PLCG1: variants seen among roughly 807,000 people sequenced by gnomAD.
PLCG1 encodes the protein phospholipase C gamma 1, also known as 1-phosphatidylinositol 4,5-bisphosphate phosphodiesterase gamma-1.
A neutral mutation model predicts 177.8 loss-of-function variants in PLCG1; 71 were observed. That is an observed-to-expected ratio of 0.40 (90% confidence interval 0.33 to 0.49). The LOEUF (loss-of-function observed/expected upper bound fraction) is 0.49. Among genes scored for constraint, PLCG1 ranks in the 20% least tolerant of loss-of-function variants. The pLI is 0.72. For missense variants in PLCG1, 1,281 were observed against 1,709.0 expected (o/e 0.75, Z 4.42); for synonymous variants, 658 against 647.9 (o/e 1.02, Z -0.24).
chr20:41,166,123 T>G lies in PLCG1; in HGVS notation c.1800-71T>G. 5 of 1,356,842 alleles carry G rather than the reference T, an allele frequency of 3.7e-6. No homozygotes were observed. Among genetic ancestry groups the G allele is most frequent in the Non-Finnish European group, 4.2e-6 (4 of 963,418 alleles). The allele number at this position is 1,356,842 out of a possible 1,614,324, so 84.1% of individuals were successfully genotyped here. ...CTCCCTCCTTGAGTTCCACCCTCAT[T>G]TGGGGTGGAACTTGGTCTTTGGGGC... On this transcript the variant is annotated intron_variant, in intron 16 of 31. Coordinates refer to ENST00000685551, the MANE Select transcript of PLCG1 (RefSeq NM_002660.3). This position sits in a 1 kb window ranked among gnomAD's most constrained non-coding sequence, Gnocchi z 8.6.
In PLCG1 at chr20:41,166,724, G is replaced by A. The variant is rs1245535989; in HGVS notation, c.2166G>A (p.Gln722=). The change falls in exon 19 of 32, where the codon CAG becomes CAA. Residue 722 remains glutamine, a synonymous_variant. Transcript: ENST00000685551. This position sits in a 1 kb window ranked among gnomAD's most constrained non-coding sequence, Gnocchi z 8.6. The part of the protein sequence containing the change: ...IKHCRVQQEG[Q]TVMLGNSEFD... ...ATTGCCGTGTCCAGCAAGAGGGCCAGACAGTGATGCTAGGGAACTCGGAGT... is the reference window on the plus strand; with the variant it reads ...ATTGCCGTGTCCAGCAAGAGGGCCAAACAGTGATGCTAGGGAACTCGGAGT... 2 of 1,614,200 alleles carry A rather than the reference G, an allele frequency of 1.2e-6. No homozygotes were observed. The highest frequency in any genetic ancestry group is 2.7e-5 in the African/African-American group (2 of 75,052).
chr20:41,167,916 T>C lies in PLCG1; in HGVS notation c.2366T>C (p.Met789Thr). The change falls in exon 20 of 32, where the codon ATG becomes ACG. Residue 789 changes from methionine (M) to threonine (T), a missense_variant. Met to Thr is a moderately conservative substitution (Grantham distance 81). This residue lies in a region of PLCG1 where 723 missense variants were observed against 1,030.0 expected (regional missense o/e 0.70). Coordinates refer to ENST00000685551, the MANE Select transcript of PLCG1 (RefSeq NM_002660.3). This position sits in a 1 kb window ranked among gnomAD's most constrained non-coding sequence, Gnocchi z 4.4. ...NPGFYVEANPMPTFKCAVKAL... is the reference protein window; with the variant it reads ...NPGFYVEANPTPTFKCAVKAL... ...GGCTTCTATGTAGAGGCAAACCCTA[T>C]GCCAACTTTCAAGGTACAGCTCAGG... The C allele has an allele frequency of 1.9e-6, 3 of 1,612,996 alleles. No homozygotes were observed. The highest frequency in any genetic ancestry group is 1.1e-5 in the South Asian group (1 of 91,034).
rs146548575 is a variant in PLCG1 at position 41,165,749 on chromosome 20, C to G, written c.1722C>G (p.Ile574Met). The change falls in exon 16 of 32, where the codon ATC becomes ATG. Residue 574 changes from isoleucine (I) to methionine (M), a missense_variant. Ile to Met is a conservative substitution (Grantham distance 10, BLOSUM62 1). This residue lies in a region of PLCG1 where 723 missense variants were observed against 1,030.0 expected (regional missense o/e 0.70). Transcript: ENST00000685551. The surrounding 1 kb of genome is among the most constrained non-coding windows in gnomAD (Gnocchi z 6.6). Reference sequence around the variant, plus strand: ...AGCGCCTGCTTACTGAGTACTGCATCGAGACCGGAGCCCCTGACGGCTCCT... The same window carrying G: ...AGCGCCTGCTTACTGAGTACTGCATGGAGACCGGAGCCCCTGACGGCTCCT... Reference protein sequence around the residue: ...IAERLLTEYCIETGAPDGSFL... With the variant: ...IAERLLTEYCMETGAPDGSFL... The G allele has an allele frequency of 1.2e-5, 19 of 1,612,516 alleles. No individual in the cohort carries two copies. In the African/African-American group the frequency reaches 2.0e-4, roughly 17 times the overall value.
Position 41,172,139 on chromosome 20 carries a change from T to C in PLCG1, c.2809-54T>C. 3.5e-6 allele frequency: 5 copies of C among 1,442,614 alleles called. No individual in the cohort carries two copies. Among genetic ancestry groups the C allele is most frequent in the Non-Finnish European group, 4.9e-6 (5 of 1,023,568 alleles). The allele number at this position is 1,442,614 out of a possible 1,614,324, so 89.4% of individuals were successfully genotyped here. A position where few individuals can be genotyped will look rare whatever the true frequency, so the allele number is the denominator to read the frequency against. On this transcript the variant is annotated intron_variant, in intron 24 of 31. Transcript: ENST00000685551. This position sits in a 1 kb window ranked among gnomAD's most constrained non-coding sequence, Gnocchi z 7.0. Reference sequence around the variant, plus strand: ...ATGCCCAAGGTTGGCAGGGGCTTCCTTCTCCTGGGCAGGGCTGTAGCCTGG... The same window carrying C: ...ATGCCCAAGGTTGGCAGGGGCTTCCCTCTCCTGGGCAGGGCTGTAGCCTGG...
At chr20:41,142,597 AG>A (rs1219775139) in intron 1 of PLCG1, among the ~76,000 whole-genome samples, 2 of 152,124 alleles carry the variant, frequency 1.3e-5, no homozygotes, top group Non-Finnish European at 1.5e-5. Context: ...CTGGGTCTTG[AG>A]GGGTGAGACA....
rs2035439719 is a variant in PLCG1, at chr20:41,159,854, G to C, written c.371-16G>C. 7 of 1,613,704 alleles carry C rather than the reference G, an allele frequency of 4.3e-6. No homozygotes were observed. The highest frequency in any genetic ancestry group is 5.9e-6 in the Non-Finnish European group (7 of 1,179,708). The stretch of plus-strand genomic sequence containing the variant: ...GGTATGTGCCCTCGGGGCAGCTATT[G>C]ATACCTTGCTCACAGCCACATCTGA... On this transcript the variant is annotated splice_polypyrimidine_tract_variant and intron_variant, in intron 2 of 31. Transcript: ENST00000685551. This position sits in a 1 kb window ranked among gnomAD's most constrained non-coding sequence, Gnocchi z 6.0.
chr20:41,166,164 C>A lies in PLCG1; in HGVS notation c.1800-30C>A. On this transcript the variant is annotated intron_variant, in intron 16 of 31. Coordinates refer to ENST00000685551, the MANE Select transcript of PLCG1 (RefSeq NM_002660.3). This position sits in a 1 kb window ranked among gnomAD's most constrained non-coding sequence, Gnocchi z 8.6. ...TCTTTGGGGCCCTGGCCTGTTTTCCCCAGCCTCCCTCACTCTGTGTCTTCC... is the reference window on the plus strand; with the variant it reads ...TCTTTGGGGCCCTGGCCTGTTTTCCACAGCCTCCCTCACTCTGTGTCTTCC... 1 of 1,599,034 alleles carries A rather than the reference C, an allele frequency of 6.3e-7. No homozygotes were observed. Among genetic ancestry groups the A allele is most frequent in the South Asian group, 1.1e-5 (1 of 90,890 alleles).
At position 41,173,433 on chromosome 20, in the gene PLCG1, G is replaced by A. The variant is rs1057393821; in HGVS notation, c.3293G>A (p.Arg1098Gln). Residue 1098 changes from arginine (R) to glutamine (Q), a missense_variant, in exon 28 of 32, where the codon CGA becomes CAA. Transcript: ENST00000685551. This position sits in a 1 kb window ranked among gnomAD's most constrained non-coding sequence, Gnocchi z 6.2. The part of the protein sequence containing the change: ...CAISIEVLGA[R>Q]HLPKNGRGIV... Reference sequence around the variant, plus strand: ...GTCTGCCTACAGGTGCTGGGGGCCCGACATCTGCCAAAGAATGGCCGAGGC... The same window carrying A: ...GTCTGCCTACAGGTGCTGGGGGCCCAACATCTGCCAAAGAATGGCCGAGGC... The A allele has an allele frequency of 4.4e-6, 7 of 1,603,760 alleles. No homozygotes were observed. Among genetic ancestry groups the A allele is most frequent in the African/African-American group, 2.7e-5 (2 of 74,802 alleles).
In PLCG1 at chr20:41,143,281, CT is replaced by C. The variant is rs1237921156; in HGVS notation, c.217+5425del. On this transcript the variant is annotated intron_variant, in intron 1 of 31. Transcript: ENST00000685551. ...TCTCCGTTAACTCACAGCATCTCTTCTTACTCTGTGCCTTTTCCTGTGGGAT... is the reference window on the plus strand; with the variant it reads ...TCTCCGTTAACTCACAGCATCTCTTCTACTCTGTGCCTTTTCCTGTGGGAT... Among the ~76,000 whole-genome samples, 5 of 152,354 alleles carry C rather than the reference CT, an allele frequency of 3.3e-5. No homozygotes were observed. The East Asian group carries it at 9.6e-4, about 29-fold the overall frequency.
At chr20:41,143,613 G>C (rs890992138) in intron 1 of PLCG1, among the ~76,000 whole-genome samples, 5 of 152,180 alleles carry the variant, frequency 3.3e-5, no homozygotes, top group African/African-American at 1.2e-4. Flanking sequence ...CACGGGTGAG[G>C]AGTGGCTTCA....
rs966306507 is a variant in PLCG1 at position 41,137,984 on chromosome 20, C to T, written c.217+126C>T. The T allele has an allele frequency of 6.9e-6, 4 of 576,814 alleles. No individual in the cohort carries two copies. Among genetic ancestry groups the T allele is most frequent in the Non-Finnish European group, 7.7e-6 (3 of 388,110 alleles). 35.7% of individuals were successfully genotyped at this position (576,814 alleles called of 1,614,324 possible). A position where few individuals can be genotyped will look rare whatever the true frequency, so the allele number is the denominator to read the frequency against. ...AAACTTTCGGGCCCTCCCAGACTCC[C>T]TCCGGGCCCCGCCCCCGCTTCGTCT... On this transcript the variant is annotated intron_variant, in intron 1 of 31. Transcript: ENST00000685551. This position sits in a 1 kb window ranked among gnomAD's most constrained non-coding sequence, Gnocchi z 7.3.
rs1172196365 is a variant in PLCG1, at chr20:41,151,121, T to C, written c.218-8485T>C. On this transcript the variant is annotated intron_variant, in intron 1 of 31. Transcript: ENST00000685551. The surrounding 1 kb of genome is among the most constrained non-coding windows in gnomAD (Gnocchi z 5.5). ...TGGGACCTCCTTTCCCTTCCTTCCT[T>C]TGGATTCTGTTCTTACCTCTGAAAT... Among the ~76,000 whole-genome samples, 1 of 152,214 alleles carries C rather than the reference T, an allele frequency of 6.6e-6. No individual in the cohort carries two copies. The highest frequency in any genetic ancestry group is 2.4e-5 in the African/African-American group (1 of 41,460).
rs930784052 is a variant in PLCG1, at chr20:41,164,676, T to C, written c.1218-257T>C. Among the ~76,000 whole-genome samples, 1 of 152,178 alleles carries C rather than the reference T, an allele frequency of 6.6e-6. No homozygotes were observed. The highest frequency in any genetic ancestry group is 1.5e-5 in the Non-Finnish European group (1 of 68,036). The stretch of plus-strand genomic sequence containing the variant: ...CTGGCCTCTTTGGTGTGAAACATTT[T>C]TCTTGCACTGCTGAGCAGCCTCCAT... On this transcript the variant is annotated intron_variant, in intron 12 of 31. Coordinates refer to ENST00000685551, the MANE Select transcript of PLCG1 (RefSeq NM_002660.3). The surrounding 1 kb of genome is among the most constrained non-coding windows in gnomAD (Gnocchi z 6.4).
Position 41,153,554 on chromosome 20 carries a change from C to T in PLCG1, c.218-6052C>T, listed in dbSNP as rs1216816787. On this transcript the variant is annotated intron_variant, in intron 1 of 31. Transcript: ENST00000685551. This position sits in a 1 kb window ranked among gnomAD's most constrained non-coding sequence, Gnocchi z 5.1. ...CCTCAAGCAGTCCTCTTGCCTCAGC[C>T]TTCTAAAGTGAGCGTATGCACTTTA... Among the ~76,000 whole-genome samples the T allele has an allele frequency of 6.6e-6, 1 of 152,142 alleles. No individual in the cohort carries two copies. The highest frequency in any genetic ancestry group is 1.5e-5 in the Non-Finnish European group (1 of 68,026).
rs1157406188 is a variant in PLCG1, at chr20:41,160,535, G to A, written c.512+382G>A. The stretch of plus-strand genomic sequence containing the variant: ...GAGAAGGGGGAGCAAAGACCAGATA[G>A]TGTGGGTGCTGCACCATGGTGAGGT... On this transcript the variant is annotated intron_variant, in intron 4 of 31. Transcript: ENST00000685551. The surrounding 1 kb of genome is among the most constrained non-coding windows in gnomAD (Gnocchi z 5.5). 6.6e-6 allele frequency among the ~76,000 whole-genome samples: 1 copy of A among 152,194 alleles called. No homozygotes were observed. Among genetic ancestry groups the A allele is most frequent in the Admixed American group, 6.5e-5 (1 of 15,284 alleles).
In PLCG1 at chr20:41,172,944, T is replaced by C. The variant is rs1407551216; in HGVS notation, c.3279+67T>C. The C allele has an allele frequency of 1.4e-5, 22 of 1,536,738 alleles. No individual in the cohort carries two copies. The East Asian group carries it at 4.4e-4, about 30-fold the overall frequency. On this transcript the variant is annotated intron_variant, in intron 27 of 31. Coordinates refer to ENST00000685551, the MANE Select transcript of PLCG1 (RefSeq NM_002660.3). The surrounding 1 kb of genome is among the most constrained non-coding windows in gnomAD (Gnocchi z 7.0). ...GCTTGCCGTTGGAGTCTGTTTATGT[T>C]GAGTTCTCCAAAAGTAGGTATTTTC...
rs574403401 is a variant in PLCG1 at position 41,148,583 on chromosome 20, G to A, written c.217+10725G>A. On this transcript the variant is annotated intron_variant, in intron 1 of 31. Transcript: ENST00000685551. The surrounding 1 kb of genome is among the most constrained non-coding windows in gnomAD (Gnocchi z 4.3). ...GTTATATAGCAGTGATGCTTTCATA[G>A]TATTTTTCTTGAATAAGGTCCCCAA... Among the ~76,000 whole-genome samples, 19 of 152,322 alleles carry A rather than the reference G, an allele frequency of 1.2e-4. No individual in the cohort carries two copies. The highest frequency in any genetic ancestry group is 4.6e-4 in the African/African-American group (19 of 41,566).
intron 1 of PLCG1, among the ~76,000 whole-genome samples, chr20:41,152,406 C>T (rs935098428): frequency 2.6e-5 from 4 of 152,222 alleles, no homozygotes; most frequent in Admixed American, 6.5e-5. Flanking sequence ...TGTATTTGCC[C>T]CCAGGGGTCA....
intron 1 of PLCG1, among the ~76,000 whole-genome samples, chr20:41,152,941 G>GTGT (rs1169256086): frequency 6.6e-6 from 1 of 152,214 alleles, no homozygotes; most frequent in Non-Finnish European, 1.5e-5. Context: ...GCTGGTGTCT[G>GTGT]TGTTGTGTTA....
Sources: gnomAD v4.1 joint callset for allele counts (sites outside exome capture counted in the v4.1 genomes callset) on GRCh38, gnomAD v4.1.1 for gene constraint, gnomAD v4.1.1 regional missense constraint, Gnocchi (gnomAD v3.1) non-coding constraint, MANE v1.5 for transcripts, NCBI Gene and HGNC (gene_info 2026-07-23, HGNC 2026-07-21) for gene names.